The following ACSM5 variants were observed in gnomAD, a reference collection of about 807,000 sequenced individuals.
ACSM5 encodes acyl-CoA synthetase medium chain family member 5.
A neutral mutation model predicts 71.6 loss-of-function variants in ACSM5; 56 were observed. That is an observed-to-expected ratio of 0.78 (90% CI 0.63 to 0.98). The LOEUF (loss-of-function observed/expected upper bound fraction) is 0.98. Among genes scored for constraint, ACSM5 ranks in the 50% least tolerant of loss-of-function variants. The pLI, the probability that ACSM5 is intolerant of heterozygous loss-of-function variation, is 0.00. For missense variants in ACSM5, 723 were observed against 726.0 expected, an observed-to-expected ratio of 1.00 and a Z score of 0.05; for synonymous variants, 285 against 281.5, an observed-to-expected ratio of 1.01 and a Z score of -0.12.
chr16:20,414,918 CA>C (rs1245394733), intron 2 of ACSM5, among the ~76,000 whole-genome samples: 5 of 152,184 alleles, frequency 3.3e-5, no homozygotes, highest in African/African-American at 1.2e-4. Context: ...ATTAAAGGCA[CA>C]GATGATAAAA....
chr16:20,438,978 A>T (rs1165796495), intron 12 of ACSM5, among the ~76,000 whole-genome samples: 1 of 123,998 alleles, frequency 8.1e-6, no homozygotes, highest in African/African-American at 3.3e-5. Context: ...AAAAAAAAAA[A>T]GTGTCCAACA....
chr16:20,436,965 C>T, intron 10 of ACSM5, 87 bp from the exon 11 acceptor site: 3 of 1,474,962 alleles, frequency 2.0e-6, no homozygotes, highest in East Asian at 4.6e-5. Context: ...GAGTGGTCTC[C>T]AGCTTCCTAC....
chr16:20,421,353 T>C lies in ACSM5; in HGVS notation c.719T>C (p.Val240Ala), dbSNP rs1171252918. ...GGAACCACCGGGGCCCCCAAGATGG[T>C]CGAGCACTCCCAGAGCAGCTACGGA... ...TSGTTGAPKM[V>A]EHSQSSYGLG... is the part of the protein sequence containing the mutation. The change falls in exon 5 of 14, where the codon GTC becomes GCC. Residue 240 changes from valine to alanine, a missense_variant. Physicochemically the swap from Val to Ala is moderately conservative, Grantham distance 64. Transcript: ENST00000331849. 3 of 1,609,140 alleles carry C rather than the reference T, an allele frequency of 1.9e-6. No homozygotes were observed. Among genetic ancestry groups the C allele is most frequent in the Middle Eastern group, 1.7e-4 (1 of 5,888 alleles).
intron 6 of ACSM5, among the ~76,000 whole-genome samples, chr16:20,426,028 C>G (rs990729899): frequency 1.3e-5 from 2 of 152,174 alleles, no homozygotes; most frequent in African/African-American, 2.4e-5. Flanking sequence ...AGTGGTTGTA[C>G]TAGTTTACAT....
Position 20,418,093 on chromosome 16 carries a change from G to A in ACSM5, c.239G>A (p.Trp80Ter). 2 of 1,613,830 alleles carry A rather than the reference G, an allele frequency of 1.2e-6. No homozygotes were observed. The highest frequency in any genetic ancestry group is 1.7e-6 in the Non-Finnish European group (2 of 1,179,956). ...CGCCCCCCAAATCCTGCCTTCTGGT[G>A]GGTCAATGGCACAGGAGCAGAGATC... is the stretch of plus-strand genomic sequence containing the variant. ...GHRPPNPAFW[W>*]VNGTGAEIKW... Residue 80 changes from tryptophan (W) to a stop codon, truncating the protein, a stop_gained, in exon 3 of 14, where the codon TGG becomes TAG. Coordinates refer to ENST00000331849, the MANE Select transcript of ACSM5 (RefSeq NM_017888.3). LOFTEE classifies it high-confidence loss of function.
intron 6 of ACSM5, among the ~76,000 whole-genome samples, chr16:20,425,662 G>A (rs1226970293): frequency 6.6e-6 from 1 of 152,058 alleles, no homozygotes; most frequent in Non-Finnish European, 1.5e-5. Context: ...TCCCACTTAT[G>A]AGGGAGAACA....
rs1966932508 is a variant in ACSM5, at chr16:20,424,146, G to A, written c.921+77G>A. ...AGTGGGATATAGATTTCAGACTGCA[G>A]GAGAAAACACATAAATCAGTGAATT... On this transcript the variant is annotated intron_variant, in intron 6 of 13. Coordinates refer to ENST00000331849, the MANE Select transcript of ACSM5 (RefSeq NM_017888.3). 20 of 1,537,784 alleles carry A rather than the reference G, an allele frequency of 1.3e-5. No individual in the cohort carries two copies. In the Middle Eastern group the frequency reaches 6.9e-4, roughly 53 times the overall value.
rs563129978 is a variant in ACSM5, at chr16:20,428,727, T to C, written c.1001+860T>C. Among the ~76,000 whole-genome samples, 7 of 152,308 alleles carry C rather than the reference T, an allele frequency of 4.6e-5. 1 individual carries two copies. Among genetic ancestry groups the C allele is most frequent in the Admixed American group, 2.0e-4 (3 of 15,298 alleles). On this transcript the variant is annotated intron_variant, in intron 7 of 13. Transcript: ENST00000331849. ...TGTGTGCATCTCCACATGATGATTT[T>C]GGCTGAAAGCAAGCTCCAAGTACCT...
At chr16:20,410,641 G>A (rs1202161529) in intron 1 of ACSM5, among the ~76,000 whole-genome samples, 1 of 152,152 alleles carries the variant, frequency 6.6e-6, no homozygotes, top group Non-Finnish European at 1.5e-5. Context: ...GCCTGGGGTG[G>A]AAGGACTGCT....
At chr16:20,429,005 A>C (rs535955610) in intron 7 of ACSM5, among the ~76,000 whole-genome samples, 1 of 148,124 alleles carries the variant, frequency 6.8e-6, no homozygotes, top group South Asian at 2.2e-4. Flanking sequence ...TTTTTCTTTT[A>C]TTTTTATTTA....
intron 4 of ACSM5, chr16:20,419,736 A>G: frequency 9.3e-6 from 4 of 429,430 alleles, no homozygotes; most frequent in South Asian, 4.5e-5. Flanking sequence ...CATTTAGCAC[A>G]TAGCAGGTGG....
chr16:20,414,415 T>A (rs1350243596), intron 2 of ACSM5, among the ~76,000 whole-genome samples: 1 of 152,144 alleles, frequency 6.6e-6, no homozygotes, highest in East Asian at 1.9e-4. Flanking sequence ...GGGGCCACGA[T>A]CCAAGGAATG....
intron 6 of ACSM5, among the ~76,000 whole-genome samples, chr16:20,427,403 C>A (rs28645560): frequency 0.42 from 62,242 of 147,754 alleles, 12,587 homozygotes; most frequent in East Asian, 0.69. Context: ...ACTGTGTGCA[C>A]CTGTCCGTAG....
At chr16:20,429,256 G>A (rs1370990288) in intron 7 of ACSM5, among the ~76,000 whole-genome samples, 2 of 152,082 alleles carry the variant, frequency 1.3e-5, no homozygotes, top group Non-Finnish European at 2.9e-5. Context: ...CAAGCAATCT[G>A]CCCACCTAGG....
At chr16:20,419,722 G>C (rs1302401614) in intron 4 of ACSM5, 1 of 458,586 alleles carries the variant, frequency 2.2e-6, no homozygotes, top group African/African-American at 2.0e-5. Context: ...TAACCAATAT[G>C]GTGCATTTAG....
intron 9 of ACSM5, 43 bp from the exon 10 acceptor site, chr16:20,431,177 G>A (rs778242061): frequency 1.9e-6 from 3 of 1,599,460 alleles, no homozygotes; most frequent in Non-Finnish European, 2.6e-6. Flanking sequence ...GGCCCAGGGT[G>A]TAGACACTCA....
intron 12 of ACSM5, among the ~76,000 whole-genome samples, chr16:20,438,909 C>T (rs1297688886): frequency 7.1e-6 from 1 of 141,046 alleles, no homozygotes; most frequent in African/African-American, 2.7e-5. Flanking sequence ...GAGCCGAGAT[C>T]ACCTCACTGA....
At chr16:20,425,263 CT>C (rs1315735229) in intron 6 of ACSM5, among the ~76,000 whole-genome samples, 2 of 151,612 alleles carry the variant, frequency 1.3e-5, no homozygotes, top group Non-Finnish European at 2.9e-5. Context: ...CTTTATGTGC[CT>C]GGCTTATTTC....
rs545008532 is a variant in ACSM5, at chr16:20,438,723, A to G, written c.1537-1077A>G. Reference sequence around the variant, plus strand: ...GTAATCCCAGCACTTTGGGAGGCCGAGGCGGGTGGATCACGAGGTCAGGAG... The same window carrying G: ...GTAATCCCAGCACTTTGGGAGGCCGGGGCGGGTGGATCACGAGGTCAGGAG... On this transcript the variant is annotated intron_variant, in intron 12 of 13. Coordinates refer to ENST00000331849, the MANE Select transcript of ACSM5 (RefSeq NM_017888.3). Among the ~76,000 whole-genome samples the G allele has an allele frequency of 4.6e-5, 7 of 151,502 alleles. No individual in the cohort carries two copies. The East Asian group carries it at 1.2e-3, about 25-fold the overall frequency.
Sources: allele counts gnomAD v4.1 joint callset (sites outside exome capture counted in the v4.1 genomes callset), GRCh38; gene constraint gnomAD v4.1.1; transcripts MANE v1.5; gene names NCBI Gene and HGNC (gene_info 2026-07-23, HGNC 2026-07-21).